PDE6C: variants seen among roughly 807,000 people sequenced by gnomAD.
The protein encoded by PDE6C is cone cGMP-specific 3',5'-cyclic phosphodiesterase subunit alpha'.
In PDE6C, 75 loss-of-function variants were observed where a neutral mutation model predicts 113.1. That is an observed-to-expected ratio of 0.66 (90% confidence interval 0.55 to 0.80). The LOEUF is 0.80. PDE6C is among the 30% of genes least tolerant of loss of function. The pLI, the probability that PDE6C is intolerant of heterozygous loss-of-function variation, is 0.00. For synonymous variants in PDE6C, 375 were observed against 363.7 expected, an observed-to-expected ratio of 1.03 and a Z score of -0.35; for missense variants, 912 against 1,038.6, an observed-to-expected ratio of 0.88 and a Z score of 1.67.
chr10:93,615,061 G>C (rs554233510), intron 1 of PDE6C, among the ~76,000 whole-genome samples: 1 of 152,350 alleles, frequency 6.6e-6, no homozygotes, highest in South Asian at 2.1e-4. Context: ...GGAGGCCACG[G>C]CGGGTGGATG....
chr10:93,656,439 C>A (rs1236630315), intron 16 of PDE6C, among the ~76,000 whole-genome samples: 2 of 152,074 alleles, frequency 1.3e-5, no homozygotes, highest in Non-Finnish European at 2.9e-5. Flanking sequence ...CATAAGTGAA[C>A]TATAAAGTTG....
chr10:93,633,183 A>G (rs371389841), intron 8 of PDE6C, among the ~76,000 whole-genome samples: 1 of 152,212 alleles, frequency 6.6e-6, no homozygotes, highest in African/African-American at 2.4e-5. Flanking sequence ...ATGCATGCCC[A>G]GGCCAGGCAT....
chr10:93,659,969 C>A (rs992660977), intron 18 of PDE6C, among the ~76,000 whole-genome samples: 1 of 152,188 alleles, frequency 6.6e-6, no homozygotes, highest in African/African-American at 2.4e-5. Flanking sequence ...TCTTCCCCCA[C>A]CTTGGGGAGG....
At chr10:93,636,618 A>T (rs117418927) in intron 10 of PDE6C, among the ~76,000 whole-genome samples, 1,649 of 152,242 alleles carry the variant, frequency 0.011, 18 homozygotes, top group Middle Eastern at 0.02. Flanking sequence ...CTTTAAAAAA[A>T]CCAGCTACTG....
intron 1 of PDE6C, among the ~76,000 whole-genome samples, chr10:93,613,509 C>A (rs1209692480): frequency 6.6e-6 from 1 of 152,128 alleles, no homozygotes; most frequent in Non-Finnish European, 1.5e-5. Context: ...TTCCACACAC[C>A]CTCCCTTACG....
At chr10:93,640,844 T>C (rs560110475) in intron 13 of PDE6C, 76 bp from the exon 14 acceptor site, 1 of 960,658 alleles carries the variant, frequency 1.0e-6, no homozygotes, top group South Asian at 1.3e-5. Context: ...CTATTCTCTA[T>C]TGCAGGCTGC....
chr10:93,652,807 G>C (rs1025224148), intron 15 of PDE6C, among the ~76,000 whole-genome samples: 5 of 152,154 alleles, frequency 3.3e-5, no homozygotes, highest in African/African-American at 1.2e-4. Context: ...TAAATTTGAT[G>C]TATTTGATTT....
intron 4 of PDE6C, among the ~76,000 whole-genome samples, chr10:93,623,532 C>T (rs996880678): frequency 2.0e-5 from 3 of 152,148 alleles, no homozygotes; most frequent in African/African-American, 7.2e-5. Context: ...TATGAAGCCT[C>T]ATCAAACCCA....
Position 93,626,686 on chromosome 10 carries a change from AAG to A in PDE6C, c.990_991del (p.Glu330AspfsTer16). The A allele has an allele frequency of 6.2e-7, 1 of 1,605,048 alleles. No individual in the cohort carries two copies. Among genetic ancestry groups the A allele is most frequent in the Non-Finnish European group, 8.5e-7 (1 of 1,171,698 alleles). Reference sequence around the variant, plus strand: ...ATTGATTACATTTTACATGGAAAAGAAGAGATCAAAGTGATTCCGTGAGTATT... The same window carrying A: ...ATTGATTACATTTTACATGGAAAAGAAGATCAAAGTGATTCCGTGAGTATT... On this transcript the variant is annotated frameshift_variant, in exon 6 of 22. Coordinates refer to ENST00000371447, the MANE Select transcript of PDE6C (RefSeq NM_006204.4). LOFTEE classifies it high-confidence loss of function.
In PDE6C at chr10:93,640,682, G is replaced by A. The variant is rs144491602; in HGVS notation, c.1737+125G>A. 240 of 775,232 alleles carry A rather than the reference G, an allele frequency of 3.1e-4. 4 individuals carry two copies. Among genetic ancestry groups the A allele is most frequent in the African/African-American group, 1.1e-3 (64 of 58,738 alleles). 48.0% of individuals were successfully genotyped at this position (775,232 alleles called of 1,614,324 possible). ...AAATTCAGGGCACAAACCCCTCTCC[G>A]CTGCAGATGAGTCCCAGTATCCTTG... On this transcript the variant is annotated intron_variant, in intron 13 of 21. Coordinates refer to ENST00000371447, the MANE Select transcript of PDE6C (RefSeq NM_006204.4).
At chr10:93,656,134 G>T (rs939135362) in intron 16 of PDE6C, among the ~76,000 whole-genome samples, 25 of 152,196 alleles carry the variant, frequency 1.6e-4, no homozygotes, top group African/African-American at 6.0e-4. Context: ...CTCCGAACAG[G>T]TTTGAATTGC....
At chr10:93,636,041 A>G (rs544361183) in intron 10 of PDE6C, among the ~76,000 whole-genome samples, 1 of 152,316 alleles carries the variant, frequency 6.6e-6, no homozygotes, top group African/African-American at 2.4e-5. Flanking sequence ...TTTGATTGAC[A>G]GTGGCTGGAC....
chr10:93,612,823 T>C lies in PDE6C; in HGVS notation c.98T>C (p.Leu33Pro). The C allele has an allele frequency of 1.2e-6, 2 of 1,614,132 alleles. No individual in the cohort carries two copies. Among genetic ancestry groups the C allele is most frequent in the Non-Finnish European group, 1.7e-6 (2 of 1,180,012 alleles). ...GACAGGAAGTTGCGGGTGGAGGTGC[T>C]GGGAGAAATCTTCAAGAACAGCCAG... ...YFDRKLRVEV[L>P]GEIFKNSQVP... The change falls in exon 1 of 22, where the codon CTG (leucine) becomes CCG (proline). Residue 33 changes from leucine to proline, a missense_variant. Coordinates refer to ENST00000371447, the MANE Select transcript of PDE6C (RefSeq NM_006204.4).
intron 8 of PDE6C, among the ~76,000 whole-genome samples, chr10:93,631,656 G>GACCGCCCTCCCCAAACC (rs1430905210): frequency 2.0e-5 from 3 of 152,192 alleles, no homozygotes; most frequent in Admixed American, 1.3e-4. Flanking sequence ...TAGGACGGGT[G>GACCGCCCTCCCCAAACC]ACCGCCCTCC....
At chr10:93,662,410 C>T in intron 19 of PDE6C, 150 bp from the exon 20 acceptor site, 1 of 616,216 alleles carries the variant, frequency 1.6e-6, no homozygotes, top group South Asian at 1.9e-5. Flanking sequence ...CTGCAGTGAG[C>T]CGAGATTGTG....
At chr10:93,613,545 T>G (rs2058403861) in intron 1 of PDE6C, among the ~76,000 whole-genome samples, 1 of 152,180 alleles carries the variant, frequency 6.6e-6, no homozygotes, top group Non-Finnish European at 1.5e-5. Context: ...TGGGGGACTT[T>G]CCTTCTCAGC....
At chr10:93,662,757 T>G (rs1003368521) in intron 20 of PDE6C, 114 bp downstream of exon 20, 94 of 704,728 alleles carry the variant, frequency 1.3e-4, no homozygotes, top group Non-Finnish European at 2.3e-4. Flanking sequence ...GGGGTATCAC[T>G]GTTTCTCCAA....
chr10:93,656,348 C>T (rs1222260446), intron 16 of PDE6C, among the ~76,000 whole-genome samples: 1 of 152,140 alleles, frequency 6.6e-6, no homozygotes, highest in Non-Finnish European at 1.5e-5. Context: ...AAAACTGAGT[C>T]ATACGTAACA....
At chr10:93,638,414 T>A (rs187585250) in intron 11 of PDE6C, among the ~76,000 whole-genome samples, 2 of 152,228 alleles carry the variant, frequency 1.3e-5, no homozygotes, top group Admixed American at 1.3e-4. Flanking sequence ...TTTGGCACCA[T>A]CCTCTCAGCC....
Sources: gnomAD v4.1 joint callset for allele counts (sites outside exome capture counted in the v4.1 genomes callset) on GRCh38, gnomAD v4.1.1 for gene constraint, MANE v1.5 for transcripts, NCBI Gene and HGNC (gene_info 2026-07-23, HGNC 2026-07-21) for gene names.